Variants in PRIM2 observed in about 807,000 individuals in gnomAD.
PRIM2 encodes DNA primase subunit 2.
A neutral mutation model predicts 67.3 loss-of-function variants in PRIM2; 39 were observed. The ratio of observed to expected loss-of-function variants is 0.58; its 90% CI spans 0.45 to 0.76. PRIM2 has a LOEUF of 0.76. Ranked by LOEUF, PRIM2 falls within the 30% of genes least tolerant of loss-of-function variation. The pLI is 0.00. For missense variants in PRIM2, 398 were observed against 598.7 expected (o/e 0.66, Z 3.50); for synonymous variants, 143 against 198.7 (o/e 0.72, Z 2.36).
the PRIM2 span, among the ~76,000 whole-genome samples, chr6:57,307,259 G>GT: frequency 8.1e-5 from 12 of 148,080 alleles, no homozygotes; most frequent in Admixed American, 2.0e-4. Flanking sequence ...TTCAAGGATG[G>GT]TTTTTTTTTT....
At chr6:57,341,574 T>C (rs1029872528) in intron 5 of PRIM2, among the ~76,000 whole-genome samples, 1 of 152,202 alleles carries the variant, frequency 6.6e-6, no homozygotes, top group Non-Finnish European at 1.5e-5. Context: ...TGTAAGCTCT[T>C]TCCATTTCAT....
At chr6:57,398,823 G>C (rs1770609051) in intron 7 of PRIM2, among the ~76,000 whole-genome samples, 1 of 152,094 alleles carries the variant, frequency 6.6e-6, no homozygotes, top group Admixed American at 6.5e-5. Context: ...ATGAATCTGG[G>C]TGCTCCTGTG....
chr6:57,635,892 A>G (rs1203317709), intron 13 of PRIM2, among the ~76,000 whole-genome samples: 4 of 152,190 alleles, frequency 2.6e-5, no homozygotes, highest in African/African-American at 7.2e-5. Flanking sequence ...GAGGAATCTG[A>G]TCATTTCAGG....
chr6:57,614,792 G>A (rs1776725123), intron 12 of PRIM2, among the ~76,000 whole-genome samples: 1 of 152,254 alleles, frequency 6.6e-6, no homozygotes, highest in African/African-American at 2.4e-5. Context: ...GGAGCTTGCA[G>A]TGAGCAGAGA....
intron 12 of PRIM2, among the ~76,000 whole-genome samples, chr6:57,621,606 T>TC (rs1776856395): frequency 6.6e-6 from 1 of 152,134 alleles, no homozygotes; most frequent in African/African-American, 2.4e-5. Flanking sequence ...GCTCTGTCCC[T>TC]CCCCCTCATA....
In PRIM2 at chr6:57,537,559, A is replaced by G; in HGVS notation, c.954A>G (p.Leu318=). 6.3e-7 allele frequency: 1 copy of G among 1,586,234 alleles called. No homozygotes were observed. Among genetic ancestry groups the G allele is most frequent in the African/African-American group, 1.3e-5 (1 of 74,408 alleles). ...QYGLFLKGIG[L]TLEQALQFWK... ...GCCTATTTCTGAAGGGCATTGGTTT[A>G]ACTTTGGAACAGGCATTGCAGTTCT... is the stretch of plus-strand genomic sequence containing the variant. Residue 318 remains leucine, a synonymous_variant, in exon 10 of 14, where the codon TTA becomes TTG. Coordinates refer to ENST00000615550, the MANE Select transcript of PRIM2 (RefSeq NM_000947.5).
intron 7 of PRIM2, among the ~76,000 whole-genome samples, chr6:57,394,174 A>C (rs374030722): frequency 1.6e-4 from 24 of 151,792 alleles, no homozygotes; most frequent in African/African-American, 5.6e-4. Context: ...GAATTTTAGA[A>C]TTGTTTTTTT....
intron 5 of PRIM2, among the ~76,000 whole-genome samples, chr6:57,332,540 G>T (rs1351686347): frequency 6.6e-6 from 1 of 151,780 alleles, no homozygotes; most frequent in Non-Finnish European, 1.5e-5. Context: ...TTATTTTGGG[G>T]CTCTCTTGTT....
At chr6:57,539,612 T>TTGTGTGTGTGTGTG (rs1232932730) in intron 10 of PRIM2, among the ~76,000 whole-genome samples, 1 of 129,274 alleles carries the variant, frequency 7.7e-6, no homozygotes, top group Non-Finnish European at 1.6e-5. Flanking sequence ...ATTATATTCT[T>TTGTGTGTGTGTGTG]TGTGTGTGTG....
At position 57,621,736 on chromosome 6, in the gene PRIM2, A is replaced by G. The variant is rs1341934600; in HGVS notation, c.1231-10397A>G. ...AAGAGTTACAAATCAAAAACACAAT[A>G]ATACTGGATTTTTAATACCTATATA... On this transcript the variant is annotated intron_variant, in intron 12 of 13. Coordinates refer to ENST00000615550, the MANE Select transcript of PRIM2 (RefSeq NM_000947.5). 8.6e-3 allele frequency among the ~76,000 whole-genome samples: 1,303 copies of G among 152,282 alleles called. 8 individuals are homozygous for G. The highest frequency in any genetic ancestry group is 0.061 in the Middle Eastern group (18 of 294).
intron 7 of PRIM2, among the ~76,000 whole-genome samples, chr6:57,402,646 A>G (rs1374669819): frequency 6.6e-6 from 1 of 152,214 alleles, no homozygotes; most frequent in Non-Finnish European, 1.5e-5. Flanking sequence ...TGTTAGTGGT[A>G]TGATTGGTAT....
At chr6:57,500,855 T>G (rs1554346786) in intron 7 of PRIM2, among the ~76,000 whole-genome samples, 2 of 148,516 alleles carry the variant, frequency 1.3e-5, no homozygotes, top group Non-Finnish European at 2.9e-5. Context: ...AAAAGAGAGA[T>G]AAGCTAAAGT....
At chr6:57,618,538 T>G (rs1776792782) in intron 12 of PRIM2, among the ~76,000 whole-genome samples, 1 of 152,014 alleles carries the variant, frequency 6.6e-6, no homozygotes, top group East Asian at 1.9e-4. Flanking sequence ...CCTTGGGCAG[T>G]TTTCAAGCCT....
At chr6:57,307,497 C>G in the PRIM2 span, among the ~76,000 whole-genome samples, 1 of 152,028 alleles carries the variant, frequency 6.6e-6, no homozygotes, top group Non-Finnish European at 1.5e-5. Flanking sequence ...CTCGGCCTCC[C>G]AAAGTGCTGG....
At chr6:57,582,359 T>C (rs1373928583) in intron 10 of PRIM2, among the ~76,000 whole-genome samples, 45 of 152,202 alleles carry the variant, frequency 3.0e-4, no homozygotes, top group Non-Finnish European at 1.5e-5. Flanking sequence ...ATACTTCCTT[T>C]TCTCTGAATT....
Position 57,605,618 on chromosome 6 carries a change from C to G in PRIM2, c.1148-757C>G, listed in dbSNP as rs1279105511. Among the ~76,000 whole-genome samples, 14 of 152,060 alleles carry G rather than the reference C, an allele frequency of 9.2e-5. No individual in the cohort carries two copies. In the East Asian group the frequency reaches 2.7e-3, roughly 29 times the overall value. Reference sequence around the variant, plus strand: ...TGTATGACTGAAAAAAAAGACTTTTCTATATTAAATTTTTAATAAGCATTT... The same window carrying G: ...TGTATGACTGAAAAAAAAGACTTTTGTATATTAAATTTTTAATAAGCATTT... On this transcript the variant is annotated intron_variant, in intron 11 of 13. Transcript: ENST00000615550.
Position 57,532,514 on chromosome 6 carries a change from T to C in PRIM2, c.834+31T>C, listed in dbSNP as rs1774913306. ...TAGAACATTATTTTAAACTTAGAAC[T>C]TTATCAATGGAGGGAACATAGATTT... On this transcript the variant is annotated intron_variant, in intron 9 of 13. Coordinates refer to ENST00000615550, the MANE Select transcript of PRIM2 (RefSeq NM_000947.5). The C allele has an allele frequency of 2.0e-5, 22 of 1,100,292 alleles. No homozygotes were observed. In the South Asian group the frequency reaches 3.0e-4, roughly 15 times the overall value. The allele number at this position is 1,100,292 out of a possible 1,614,324, so 68.2% of individuals were successfully genotyped here.
the PRIM2 span, among the ~76,000 whole-genome samples, chr6:57,298,891 C>A: frequency 6.6e-6 from 1 of 152,060 alleles, no homozygotes; most frequent in South Asian, 2.1e-4. Flanking sequence ...TTTCCTGCCT[C>A]CCCCACCCTA....
rs1773344751 is a variant in PRIM2, at chr6:57,471,906, C to T, written c.694-35481C>T. On this transcript the variant is annotated intron_variant, in intron 7 of 13. Coordinates refer to ENST00000615550, the MANE Select transcript of PRIM2 (RefSeq NM_000947.5). Reference sequence around the variant, plus strand: ...GATAGGAGAAAAAAGAAAACTTAAGCTAAACTTTTAAAAGATGAAAGGTAT... The same window carrying T: ...GATAGGAGAAAAAAGAAAACTTAAGTTAAACTTTTAAAAGATGAAAGGTAT... 6.6e-5 allele frequency among the ~76,000 whole-genome samples: 10 copies of T among 152,214 alleles called. 1 individual carries two copies. In the South Asian group the frequency reaches 2.1e-3, roughly 32 times the overall value.
Sources: allele counts gnomAD v4.1 joint callset (sites outside exome capture counted in the v4.1 genomes callset), GRCh38; gene constraint gnomAD v4.1.1; transcripts MANE v1.5; gene names NCBI Gene and HGNC (gene_info 2026-07-23, HGNC 2026-07-21).